The following GRIP1 variants were observed in gnomAD, a reference collection of about 807,000 sequenced individuals.
GRIP1 encodes glutamate receptor-interacting protein 1.
Under a neutral mutation model 129.9 loss-of-function variants are expected in GRIP1, and 45 were observed. That is an observed-to-expected ratio of 0.35 (90% CI 0.27 to 0.44). GRIP1 has a LOEUF of 0.44. GRIP1 is among the 20% of genes least tolerant of loss of function. GRIP1 has a pLI of 1.00. For missense variants in GRIP1, 1,196 were observed against 1,396.8 expected (o/e 0.86, Z 2.29); for synonymous variants, 530 against 520.8 (o/e 1.02, Z -0.24).
intron 1 of GRIP1, among the ~76,000 whole-genome samples, chr12:66,619,927 T>A (rs183889214): frequency 1.8e-4 from 27 of 152,316 alleles, no homozygotes; most frequent in Admixed American, 1.3e-3. Flanking sequence ...GGGGTTGAAC[T>A]TACTGCCTCT....
intron 7 of GRIP1, among the ~76,000 whole-genome samples, chr12:66,478,311 T>A (rs1030919424): frequency 3.9e-5 from 6 of 152,180 alleles, no homozygotes; most frequent in East Asian, 1.9e-4. Flanking sequence ...AGAAATGCAA[T>A]TCAAAACCAC....
At chr12:66,448,531 G>T (rs2058693155) in intron 11 of GRIP1, among the ~76,000 whole-genome samples, 1 of 151,918 alleles carries the variant, frequency 6.6e-6, no homozygotes, top group Non-Finnish European at 1.5e-5. Context: ...TTCCGGATAT[G>T]ATGAGGCCCC....
chr12:66,473,485 C>T (rs1175671168), intron 7 of GRIP1, among the ~76,000 whole-genome samples: 3 of 152,258 alleles, frequency 2.0e-5, no homozygotes, highest in Non-Finnish European at 4.4e-5. Context: ...TGCTAAGGGA[C>T]AGACTGCCTC....
In GRIP1 at chr12:66,523,612, C is replaced by T. The variant is rs1765567226; in HGVS notation, c.503-5636G>A. ...AAAGACCATCGAGACTAGGAAGAAA[C>T]TGCATCAACTAACGAGCAAAATCAC... On this transcript the variant is annotated intron_variant, in intron 5 of 24. Transcript: ENST00000359742. Among the ~76,000 whole-genome samples, 9 of 151,874 alleles carry T rather than the reference C, an allele frequency of 5.9e-5. No individual in the cohort carries two copies. The South Asian group carries it at 1.9e-3, about 32-fold the overall frequency.
intron 1 of GRIP1, among the ~76,000 whole-genome samples, chr12:67,007,116 C>G (rs1425293474): frequency 6.6e-6 from 1 of 152,174 alleles, no homozygotes; most frequent in African/African-American, 2.4e-5. Flanking sequence ...ATGCTAACAA[C>G]TTTCACTAGA....
rs2041130431 is a variant in GRIP1, at chr12:66,916,780, A to G, written c.58+152270T>C. 2.0e-5 allele frequency among the ~76,000 whole-genome samples: 3 copies of G among 152,154 alleles called. No individual in the cohort carries two copies. In the South Asian group the frequency reaches 6.2e-4, roughly 31 times the overall value. Reference sequence around the variant, plus strand: ...CTGAAGCCTCTAATAGGAAAAAAAAATCTTAATACAAAACAAATTTCTTGT... The same window carrying G: ...CTGAAGCCTCTAATAGGAAAAAAAAGTCTTAATACAAAACAAATTTCTTGT... On this transcript the variant is annotated intron_variant, in intron 1 of 1. Transcript: ENST00000643019.
chr12:67,033,687 A>C (rs1424083613), intron 1 of GRIP1, among the ~76,000 whole-genome samples: 1 of 152,148 alleles, frequency 6.6e-6, no homozygotes, highest in East Asian at 1.9e-4. Flanking sequence ...CCTGGTACCA[A>C]GTTCTCTCAC....
chr12:66,379,398 A>G lies in GRIP1; in HGVS notation c.2503T>C (p.Tyr835His). ...CTCTGTTTTGGACTCCTCCAGTCAT[A>G]GGTGTTGAAATTGTATCCTGAGGCC... ...FQASGYNFNTYDWRSPKQRGS... is the reference protein window; with the variant it reads ...FQASGYNFNTHDWRSPKQRGS... Residue 835 changes from tyrosine (Y) to histidine (H), a missense_variant, in exon 20 of 25, where the codon TAT (tyrosine) becomes CAT (histidine). By Grantham distance (83) the Tyr-to-His change is moderately conservative. Coordinates refer to ENST00000359742, the MANE Select transcript of GRIP1 (RefSeq NM_001366722.1). 1 of 1,614,124 alleles carries G rather than the reference A, an allele frequency of 6.2e-7. No individual in the cohort carries two copies. Among genetic ancestry groups the G allele is most frequent in the Non-Finnish European group, 8.5e-7 (1 of 1,179,962 alleles).
intron 1 of GRIP1, among the ~76,000 whole-genome samples, chr12:66,822,174 G>A (rs931727090): frequency 1.3e-5 from 2 of 152,242 alleles, no homozygotes; most frequent in African/African-American, 2.4e-5. Flanking sequence ...TGCAACACAC[G>A]TAGAAGCAGA....
chr12:66,829,476 A>G (rs2039477542), intron 1 of GRIP1, among the ~76,000 whole-genome samples: 1 of 152,134 alleles, frequency 6.6e-6, no homozygotes, highest in Admixed American at 6.5e-5. Context: ...TTAAGCCACC[A>G]AGCTTGTGGT....
rs552514004 is a variant in GRIP1, at chr12:67,016,916, T to G, written c.58+52134A>C. ...CAATCAAAGGTTAGTAAAAGATGTA[T>G]AATTACTAGTACTTAGATCCAGTGG... On this transcript the variant is annotated intron_variant, in intron 1 of 1. Coordinates refer to the GRIP1 transcript ENST00000643019. 8.5e-5 allele frequency among the ~76,000 whole-genome samples: 13 copies of G among 152,306 alleles called. 1 individual carries two copies. The East Asian group carries it at 2.5e-3, about 29-fold the overall frequency.
rs976397031 is a variant in GRIP1 at position 66,624,677 on chromosome 12, T to A, written c.56-27750A>T. ...TCATACCTCTTACCCCTTTTAAATA[T>A]ATCTCTAAGGAAAGACAGTGGTTAT... is the stretch of plus-strand genomic sequence containing the variant. On this transcript the variant is annotated intron_variant, in intron 1 of 24. Coordinates refer to ENST00000359742, the MANE Select transcript of GRIP1 (RefSeq NM_001366722.1). 2.6e-5 allele frequency among the ~76,000 whole-genome samples: 4 copies of A among 152,148 alleles called. No individual in the cohort carries two copies. In the East Asian group the frequency reaches 7.7e-4, roughly 29 times the overall value.
intron 1 of GRIP1, among the ~76,000 whole-genome samples, chr12:66,615,726 C>T (rs1053793825): frequency 6.6e-6 from 1 of 152,154 alleles, no homozygotes; most frequent in African/African-American, 2.4e-5. Flanking sequence ...TTCATTGCAA[C>T]TTTCGCCTCC....
chr12:66,557,834 T>C (rs1193108620), intron 2 of GRIP1, among the ~76,000 whole-genome samples: 1 of 151,964 alleles, frequency 6.6e-6, no homozygotes, highest in East Asian at 1.9e-4. Context: ...AAGAGGGAAG[T>C]TATAGCTATT....
rs548066694 is a variant in GRIP1 at position 66,527,643 on chromosome 12, G to A, written c.502+2188C>T. 2.6e-5 allele frequency among the ~76,000 whole-genome samples: 4 copies of A among 152,034 alleles called. No homozygotes were observed. The South Asian group carries it at 8.3e-4, about 32-fold the overall frequency. ...TACATATGTAACAAACCTGTACATT[G>A]TGCACATGTACCCTAAAACTTAAAG... On this transcript the variant is annotated intron_variant, in intron 5 of 24. Coordinates refer to ENST00000359742, the MANE Select transcript of GRIP1 (RefSeq NM_001366722.1).
rs569316958 is a variant in GRIP1, at chr12:66,480,935, T to C, written c.725-15513A>G. On this transcript the variant is annotated intron_variant, in intron 7 of 24. Transcript: ENST00000359742. ...TCAAGATGGATTGAAGACTTAAATGTAAGACCTAAAATTATCAAAACTCTA... is the reference window on the plus strand; with the variant it reads ...TCAAGATGGATTGAAGACTTAAATGCAAGACCTAAAATTATCAAAACTCTA... Among the ~76,000 whole-genome samples the C allele has an allele frequency of 7.2e-5, 11 of 152,276 alleles. No individual in the cohort carries two copies. The East Asian group carries it at 1.9e-3, about 27-fold the overall frequency.
chr12:66,721,476 T>C (rs1046480278), intron 1 of GRIP1, among the ~76,000 whole-genome samples: 2 of 152,048 alleles, frequency 1.3e-5, no homozygotes, highest in African/African-American at 2.4e-5. Context: ...CGTTTTATCA[T>C]GTTGGCCAGG....
intron 1 of GRIP1, among the ~76,000 whole-genome samples, chr12:66,827,212 G>A (rs1356082056): frequency 6.6e-6 from 1 of 152,018 alleles, no homozygotes; most frequent in African/African-American, 2.4e-5. Context: ...CCATCGAGGG[G>A]CCACCTGGGC....
At chr12:66,564,640 C>T (rs2062677593) in intron 2 of GRIP1, among the ~76,000 whole-genome samples, 2 of 152,036 alleles carry the variant, frequency 1.3e-5, no homozygotes, top group Admixed American at 6.5e-5. Context: ...GGGTATATAC[C>T]CAGTAATGGG....
Sources: gnomAD v4.1 joint callset for allele counts (sites outside exome capture counted in the v4.1 genomes callset) on GRCh38, gnomAD v4.1.1 for gene constraint, MANE v1.5 for transcripts, NCBI Gene and HGNC (gene_info 2026-07-23, HGNC 2026-07-21) for gene names.